The following ATRNL1 variants were observed in gnomAD, a reference collection of about 807,000 sequenced individuals.
ATRNL1 encodes the protein attractin-like protein 1.
Under a neutral mutation model 182.7 loss-of-function variants are expected in ATRNL1, and 95 were observed. The ratio of observed to expected loss-of-function variants is 0.52; its 90% CI spans 0.44 to 0.62. The LOEUF is 0.62. Among genes scored for constraint, ATRNL1 ranks in the 20% least tolerant of loss-of-function variants. ATRNL1 has a pLI of 0.00. For synonymous variants in ATRNL1, 576 were observed against 568.3 expected, an observed-to-expected ratio of 1.01 and a Z score of -0.19; for missense variants, 1,471 against 1,679.5, an observed-to-expected ratio of 0.88 and a Z score of 2.17.
intron 28 of ATRNL1, among the ~76,000 whole-genome samples, chr10:115,893,081 A>G (rs1555111665): frequency 6.6e-6 from 1 of 152,222 alleles, no homozygotes; most frequent in African/African-American, 2.4e-5. Flanking sequence ...GGAGGAAAAT[A>G]AAGAATGTGT....
At chr10:115,487,115 A>C (rs1849064942) in intron 24 of ATRNL1, among the ~76,000 whole-genome samples, 1 of 152,254 alleles carries the variant, frequency 6.6e-6, no homozygotes, top group African/African-American at 2.4e-5. Context: ...TTTTGGTACC[A>C]GTACCATGCT....
At chr10:115,368,560 A>T (rs1857204873) in intron 19 of ATRNL1, among the ~76,000 whole-genome samples, 1 of 152,016 alleles carries the variant, frequency 6.6e-6, no homozygotes, top group Non-Finnish European at 1.5e-5. Context: ...CATTGTTTTT[A>T]GCTACAGTCA....
intron 8 of ATRNL1, among the ~76,000 whole-genome samples, chr10:115,194,028 G>C (rs570535920): frequency 7.9e-5 from 12 of 151,888 alleles, no homozygotes; most frequent in African/African-American, 2.9e-4. Flanking sequence ...TTGATTTCTA[G>C]TTTTATTCTG....
At chr10:115,629,330 G>A (rs1454587200) in intron 26 of ATRNL1, among the ~76,000 whole-genome samples, 2 of 152,096 alleles carry the variant, frequency 1.3e-5, no homozygotes, top group African/African-American at 2.4e-5. Flanking sequence ...GATTGAGTAC[G>A]GGATGTTATA....
At chr10:115,764,205 G>A (rs1354460667) in intron 27 of ATRNL1, among the ~76,000 whole-genome samples, 1 of 152,076 alleles carries the variant, frequency 6.6e-6, no homozygotes, top group African/African-American at 2.4e-5. Flanking sequence ...TAGGTACTGA[G>A]ATTTCCTATA....
intron 19 of ATRNL1, among the ~76,000 whole-genome samples, chr10:115,371,013 C>G (rs1439276628): frequency 1.3e-5 from 2 of 152,194 alleles, no homozygotes; most frequent in Non-Finnish European, 2.9e-5. Flanking sequence ...GGCCAAGGTA[C>G]AGCTTGGGCC....
Position 115,782,160 on chromosome 10 carries a change from A to G in ATRNL1, c.3903+54805A>G, listed in dbSNP as rs556664314. Among the ~76,000 whole-genome samples the G allele has an allele frequency of 9.8e-5, 15 of 152,316 alleles. No homozygotes were observed. In the South Asian group the frequency reaches 1.9e-3, roughly 19 times the overall value. On this transcript the variant is annotated intron_variant, in intron 27 of 28. Coordinates refer to ENST00000355044, the MANE Select transcript of ATRNL1 (RefSeq NM_207303.4). ...AGATAAAGTGGTATGTAAGGAGGCC[A>G]TATGCCACAGAGCCCAGATGTTCTT...
In ATRNL1 at chr10:115,772,988, T is replaced by C. The variant is rs145275699; in HGVS notation, c.3903+45633T>C. ...AACCACAGCCAATAGGCGGTTTCAATTGATATTTGATTGGGGAGGCGTTTT... is the reference window on the plus strand; with the variant it reads ...AACCACAGCCAATAGGCGGTTTCAACTGATATTTGATTGGGGAGGCGTTTT... On this transcript the variant is annotated intron_variant, in intron 27 of 28. Coordinates refer to ENST00000355044, the MANE Select transcript of ATRNL1 (RefSeq NM_207303.4). Among the ~76,000 whole-genome samples the C allele has an allele frequency of 2.7e-3, 416 of 152,246 alleles. 6 individuals are homozygous for C. Among genetic ancestry groups the C allele is most frequent in the East Asian group, 0.022 (112 of 5,172 alleles).
chr10:115,322,620 T>C (rs1854640595), intron 18 of ATRNL1, among the ~76,000 whole-genome samples: 1 of 152,152 alleles, frequency 6.6e-6, no homozygotes, highest in Non-Finnish European at 1.5e-5. Flanking sequence ...GGAGTTGAAC[T>C]ACCGTCTGGG....
chr10:115,467,842 A>G (rs1848124895), intron 23 of ATRNL1, among the ~76,000 whole-genome samples: 1 of 150,750 alleles, frequency 6.6e-6, no homozygotes, highest in African/African-American at 2.4e-5. Flanking sequence ...TATGAAATGT[A>G]TTCTTACTTT....
chr10:115,941,794 A>G (rs782277365), intron 28 of ATRNL1, among the ~76,000 whole-genome samples: 1 of 152,236 alleles, frequency 6.6e-6, no homozygotes, highest in East Asian at 1.9e-4. Context: ...CTGCAATTTT[A>G]AAAATAATAA....
At chr10:115,776,580 C>T (rs1384187644) in intron 27 of ATRNL1, among the ~76,000 whole-genome samples, 1 of 140,704 alleles carries the variant, frequency 7.1e-6, no homozygotes, top group Non-Finnish European at 1.5e-5. Flanking sequence ...GGCAGATTCC[C>T]CTCCTGTCTC....
chr10:115,476,904 T>C (rs1295473033), intron 24 of ATRNL1, among the ~76,000 whole-genome samples: 1 of 151,534 alleles, frequency 6.6e-6, no homozygotes, highest in Non-Finnish European at 1.5e-5. Context: ...TTGCTTCACT[T>C]ATTTATCCAT....
rs200039047 is a variant in ATRNL1, at chr10:115,363,546, T to G, written c.3175+29127T>G. Among the ~76,000 whole-genome samples the G allele has an allele frequency of 5.3e-3, 783 of 147,360 alleles. 7 individuals are homozygous for G. The highest frequency in any genetic ancestry group is 7.9e-3 in the Non-Finnish European group (522 of 66,140). ...AATTAGATCCCATTTGTCAATTTTG[T>G]CTTTTGTTGCCATTGCTTTTGGTGT... On this transcript the variant is annotated intron_variant, in intron 19 of 28. Transcript: ENST00000355044.
At chr10:115,459,307 C>T (rs1013260060) in intron 21 of ATRNL1, among the ~76,000 whole-genome samples, 11 of 152,096 alleles carry the variant, frequency 7.2e-5, no homozygotes, top group African/African-American at 2.2e-4. Context: ...AAACTCTGAC[C>T]GCTAGTTAGC....
intron 27 of ATRNL1, among the ~76,000 whole-genome samples, chr10:115,822,269 C>T (rs1246765568): frequency 6.6e-6 from 1 of 152,146 alleles, no homozygotes; most frequent in Non-Finnish European, 1.5e-5. Flanking sequence ...CTCTGGGACA[C>T]AGCTAAAGCA....
intron 26 of ATRNL1, among the ~76,000 whole-genome samples, chr10:115,670,026 T>C (rs1393605203): frequency 6.6e-6 from 1 of 152,082 alleles, no homozygotes; most frequent in Non-Finnish European, 1.5e-5. Context: ...AATAGAATAC[T>C]TTGAGAGGGA....
intron 20 of ATRNL1, among the ~76,000 whole-genome samples, chr10:115,422,378 G>A (rs1009840743): frequency 3.3e-5 from 5 of 152,096 alleles, no homozygotes; most frequent in Non-Finnish European, 5.9e-5. Flanking sequence ...AGTGAGCAAA[G>A]TACATGAACA....
chr10:115,569,381 A>C (rs1186205248), intron 26 of ATRNL1, among the ~76,000 whole-genome samples: 3 of 152,092 alleles, frequency 2.0e-5, no homozygotes, highest in African/African-American at 7.2e-5. Context: ...TCCAAATGGG[A>C]TTGCTTGCTT....
Sources: gnomAD v4.1 joint callset for allele counts (sites outside exome capture counted in the v4.1 genomes callset) on GRCh38, gnomAD v4.1.1 for gene constraint, MANE v1.5 for transcripts, NCBI Gene and HGNC (gene_info 2026-07-23, HGNC 2026-07-21) for gene names.